Variants in BRINP3 observed in about 807,000 individuals in gnomAD.
BRINP3 encodes the protein BMP/retinoic acid-inducible neural-specific protein 3.
A neutral mutation model predicts 71.0 loss-of-function variants in BRINP3; 19 were observed. That is an observed-to-expected ratio of 0.27 (90% CI 0.19 to 0.39). The LOEUF (loss-of-function observed/expected upper bound fraction) is 0.39. Among genes scored for constraint, BRINP3 ranks in the 10% least tolerant of loss-of-function variants. BRINP3 has a pLI of 1.00. For missense variants in BRINP3, 959 were observed against 940.8 expected, an observed-to-expected ratio of 1.02 and a Z score of -0.25; for synonymous variants, 380 against 337.7, an observed-to-expected ratio of 1.13 and a Z score of -1.37.
In BRINP3 at chr1:190,098,954, G is replaced by C; in HGVS notation, c.1365C>G (p.Asp455Glu). 1.2e-6 allele frequency: 2 copies of C among 1,614,182 alleles called. No homozygotes were observed. Among genetic ancestry groups the C allele is most frequent in the African/African-American group, 2.7e-5 (2 of 75,054 alleles). The change falls in exon 8 of 8, where the codon GAC (aspartate) becomes GAG (glutamate). Residue 455 changes from aspartate (D) to glutamate (E), a missense_variant. Coordinates refer to ENST00000367462, the MANE Select transcript of BRINP3 (RefSeq NM_199051.3). ...DASACLTCAP[D>E]NRTRCGTCNT... The stretch of plus-strand genomic sequence containing the variant: ...TGCAGGTGCCGCAGCGGGTGCGGTT[G>C]TCTGGTGCGCATGTCAGGCAGGCAG...
chr1:190,234,185 A>T (rs1658290421), intron 5 of BRINP3, among the ~76,000 whole-genome samples, 187 bp downstream of exon 5: 1 of 152,138 alleles, frequency 6.6e-6, no homozygotes, highest in African/African-American at 2.4e-5. Flanking sequence ...AAAATTTTTG[A>T]TATTTTATTC....
intron 1 of BRINP3, among the ~76,000 whole-genome samples, chr1:190,466,597 T>G (rs1676765492): frequency 6.6e-6 from 1 of 151,706 alleles, no homozygotes; most frequent in African/African-American, 2.4e-5. Context: ...AATGAAAATG[T>G]TTCAACATTT....
intron 5 of BRINP3, among the ~76,000 whole-genome samples, chr1:190,227,386 T>C (rs1657493991): frequency 6.6e-6 from 1 of 151,876 alleles, no homozygotes; most frequent in Admixed American, 6.6e-5. Context: ...TTAGAACTTA[T>C]ATATTCGATT....
chr1:190,340,629 T>C (rs1269084473), intron 2 of BRINP3, among the ~76,000 whole-genome samples: 2 of 151,908 alleles, frequency 1.3e-5, no homozygotes, highest in African/African-American at 2.4e-5. Flanking sequence ...TACTGGAACT[T>C]CAGTGGCTAT....
At chr1:190,446,359 G>A (rs1282604547) in intron 2 of BRINP3, among the ~76,000 whole-genome samples, 1 of 151,968 alleles carries the variant, frequency 6.6e-6, no homozygotes, top group East Asian at 1.9e-4. Flanking sequence ...TTAACAGTTA[G>A]TGTAGTGATT....
In BRINP3 at chr1:190,301,007, G is replaced by A. The variant is rs555306283; in HGVS notation, c.237-19257C>T. On this transcript the variant is annotated intron_variant, in intron 2 of 7. Transcript: ENST00000367462. ...CTACGGGAGGACATTCAAAGCAAAG[G>A]CAAAGAAGTTGAAAACTTTGAAAAA... 1.2e-4 allele frequency among the ~76,000 whole-genome samples: 18 copies of A among 151,430 alleles called. No individual in the cohort carries two copies. The South Asian group carries it at 3.8e-3, about 32-fold the overall frequency.
chr1:190,299,011 T>A (rs573441662), intron 2 of BRINP3, among the ~76,000 whole-genome samples: 2 of 152,294 alleles, frequency 1.3e-5, no homozygotes, highest in South Asian at 4.1e-4. Context: ...CATTTAAGGC[T>A]AATATGTGTT....
intron 7 of BRINP3, among the ~76,000 whole-genome samples, chr1:190,106,629 G>T (rs1386707142): frequency 2.0e-5 from 3 of 151,252 alleles, no homozygotes; most frequent in Non-Finnish European, 4.4e-5. Flanking sequence ...AACTAGAAAT[G>T]TTCTTGGTTG....
chr1:190,459,445 G>T (rs1458463870), intron 1 of BRINP3, among the ~76,000 whole-genome samples: 3 of 151,688 alleles, frequency 2.0e-5, no homozygotes, highest in African/African-American at 4.8e-5. Flanking sequence ...ATTTATGAAA[G>T]AAATATTTAC....
At chr1:190,466,559 C>G (rs2102687423) in intron 1 of BRINP3, among the ~76,000 whole-genome samples, 1 of 151,826 alleles carries the variant, frequency 6.6e-6, no homozygotes, top group Non-Finnish European at 1.5e-5. Context: ...TAATAATCTT[C>G]AGTTTCTTTT....
intron 2 of BRINP3, among the ~76,000 whole-genome samples, chr1:190,393,177 A>C (rs1671357230): frequency 6.6e-6 from 1 of 151,706 alleles, no homozygotes; most frequent in Admixed American, 6.6e-5. Flanking sequence ...AACATATATT[A>C]AGCACACATT....
intron 2 of BRINP3, among the ~76,000 whole-genome samples, chr1:190,298,973 C>G (rs1272849224): frequency 7.9e-5 from 12 of 152,040 alleles, no homozygotes; most frequent in African/African-American, 2.9e-4. Flanking sequence ...CTTACAATAT[C>G]CTGCAGCCCA....
At chr1:190,327,298 G>A (rs1307322174) in intron 2 of BRINP3, among the ~76,000 whole-genome samples, 5 of 119,280 alleles carry the variant, frequency 4.2e-5, no homozygotes, top group African/African-American at 1.3e-4. Context: ...CTGGGCAACA[G>A]AGCGAGGCTC....
intron 6 of BRINP3, among the ~76,000 whole-genome samples, chr1:190,212,699 C>T (rs895562135): frequency 3.3e-5 from 5 of 151,962 alleles, no homozygotes; most frequent in African/African-American, 1.2e-4. Context: ...ATAAGTAATG[C>T]GAATTAGCTA....
chr1:190,164,871 C>T (rs1248037118), intron 6 of BRINP3, among the ~76,000 whole-genome samples: 1 of 151,974 alleles, frequency 6.6e-6, no homozygotes, highest in African/African-American at 2.4e-5. Flanking sequence ...CAGTGCCTGG[C>T]TTCAGACATT....
rs1411913151 is a variant in BRINP3, at chr1:190,454,719, G to C, written c.172C>G (p.Gln58Glu). ...LSDKGPFHRS[Q>E]EYTDFVDRSR... Reference sequence around the variant, plus strand: ...CTGTCCACAAAATCTGTGTATTCCTGTGAGCGATGGAAGGGTCCCTTATCA... The same window carrying C: ...CTGTCCACAAAATCTGTGTATTCCTCTGAGCGATGGAAGGGTCCCTTATCA... Residue 58 changes from glutamine to glutamate, a missense_variant, in exon 2 of 8, where the codon CAG becomes GAG. Gln to Glu is a conservative substitution (Grantham distance 29). Transcript: ENST00000367462. 6.2e-7 allele frequency: 1 copy of C among 1,613,938 alleles called. No individual in the cohort carries two copies. Among genetic ancestry groups the C allele is most frequent in the Non-Finnish European group, 8.5e-7 (1 of 1,180,028 alleles).
intron 2 of BRINP3, among the ~76,000 whole-genome samples, chr1:190,391,738 G>C (rs1386479337): frequency 6.6e-6 from 1 of 151,638 alleles, no homozygotes; most frequent in East Asian, 1.9e-4. Flanking sequence ...TGCCTACACT[G>C]TAAATTATAC....
chr1:190,231,258 A>G (rs1657962929), intron 5 of BRINP3, among the ~76,000 whole-genome samples: 1 of 151,806 alleles, frequency 6.6e-6, no homozygotes, highest in African/African-American at 2.4e-5. Context: ...CACTGAGAAC[A>G]TGTGATTCAA....
intron 7 of BRINP3, among the ~76,000 whole-genome samples, chr1:190,105,903 T>C (rs780215108): frequency 1.3e-5 from 2 of 151,966 alleles, no homozygotes; most frequent in Non-Finnish European, 2.9e-5. Flanking sequence ...ATAAACACAA[T>C]TACTTTTCTG....
Sources: allele counts gnomAD v4.1 joint callset (sites outside exome capture counted in the v4.1 genomes callset), GRCh38; gene constraint gnomAD v4.1.1; transcripts MANE v1.5; gene names NCBI Gene and HGNC (gene_info 2026-07-23, HGNC 2026-07-21).